LYPLAL1: variants seen among roughly 807,000 people sequenced by gnomAD.
LYPLAL1 encodes the protein lysophospholipase-like protein 1.
In LYPLAL1, 23 loss-of-function variants were observed where a neutral mutation model predicts 19.7. That is an observed-to-expected ratio of 1.17 (90% CI 0.84 to 1.65). The LOEUF is 1.65. LYPLAL1 is among the 40% of genes most tolerant of loss of function. The pLI is 0.00. For synonymous variants in LYPLAL1, 119 were observed against 96.3 expected, an observed-to-expected ratio of 1.24 and a Z score of -1.38; for missense variants, 355 against 279.4, an observed-to-expected ratio of 1.27 and a Z score of -1.93.
At chr1:219,275,638 C>T in the LYPLAL1 span, among the ~76,000 whole-genome samples, 1 of 151,872 alleles carries the variant, frequency 6.6e-6, no homozygotes, top group Non-Finnish European at 1.5e-5. Context: ...TAGAGTAGAA[C>T]AAGAATGTAC....
At chr1:219,392,634 G>C in the LYPLAL1 span, among the ~76,000 whole-genome samples, 1 of 151,982 alleles carries the variant, frequency 6.6e-6, no homozygotes, top group African/African-American at 2.4e-5. Flanking sequence ...CCAAAATAAG[G>C]CTTTATGATA....
At chr1:219,313,934 G>A in the LYPLAL1 span, among the ~76,000 whole-genome samples, 1 of 152,198 alleles carries the variant, frequency 6.6e-6, no homozygotes, top group Non-Finnish European at 1.5e-5. Context: ...CAAATAATAA[G>A]CATAGTACCT....
At chr1:219,292,621 A>T in the LYPLAL1 span, among the ~76,000 whole-genome samples, 2 of 152,104 alleles carry the variant, frequency 1.3e-5, no homozygotes, top group Non-Finnish European at 2.9e-5. Flanking sequence ...CACCTCATCT[A>T]GTCTTGTAGC....
At chr1:219,194,800 G>A (rs1657475303) in intron 3 of LYPLAL1, among the ~76,000 whole-genome samples, 1 of 152,040 alleles carries the variant, frequency 6.6e-6, no homozygotes, top group African/African-American at 2.4e-5. Flanking sequence ...GATGGCAGTG[G>A]CATTTAAGAT....
intron 2 of LYPLAL1, among the ~76,000 whole-genome samples, chr1:219,182,522 G>A (rs186184799): frequency 6.6e-6 from 1 of 152,148 alleles, no homozygotes; most frequent in Non-Finnish European, 1.5e-5. Context: ...GACGTCAAAA[G>A]GAGGCATGTG....
chr1:219,206,773 AG>A (rs1658604867), intron 3 of LYPLAL1, among the ~76,000 whole-genome samples: 1 of 151,460 alleles, frequency 6.6e-6, no homozygotes, highest in Admixed American at 6.6e-5. Context: ...AACTACATAA[AG>A]TGATTACATT....
the LYPLAL1 span, among the ~76,000 whole-genome samples, chr1:219,257,607 T>C: frequency 6.6e-5 from 10 of 152,088 alleles, no homozygotes; most frequent in African/African-American, 2.4e-4. Flanking sequence ...AGGGACTGTA[T>C]GAACTGGGAG....
chr1:219,416,634 G>A, the LYPLAL1 span, among the ~76,000 whole-genome samples: 1 of 152,208 alleles, frequency 6.6e-6, no homozygotes, highest in Non-Finnish European at 1.5e-5. Flanking sequence ...AATGCAAATT[G>A]AGGGGTGGGT....
the LYPLAL1 span, among the ~76,000 whole-genome samples, chr1:219,270,360 A>C: frequency 6.6e-6 from 1 of 152,218 alleles, no homozygotes; most frequent in Non-Finnish European, 1.5e-5. Context: ...TTTTGCAGTG[A>C]AATACAGAAG....
the LYPLAL1 span, among the ~76,000 whole-genome samples, chr1:219,318,096 A>C: frequency 1.3e-5 from 2 of 152,186 alleles, no homozygotes; most frequent in Non-Finnish European, 2.9e-5. Context: ...AAAAACTGCA[A>C]GTGGGAGATA....
chr1:219,291,832 C>G, the LYPLAL1 span, among the ~76,000 whole-genome samples: 3 of 151,744 alleles, frequency 2.0e-5, no homozygotes, highest in Non-Finnish European at 4.4e-5. Flanking sequence ...CAAAATGCTC[C>G]CATTGTCATC....
chr1:219,318,410 T>G, the LYPLAL1 span, among the ~76,000 whole-genome samples: 1 of 140,788 alleles, frequency 7.1e-6, no homozygotes, highest in African/African-American at 2.6e-5. Flanking sequence ...CACCAAACCA[T>G]GATCTCTTCT....
intron 2 of LYPLAL1, among the ~76,000 whole-genome samples, chr1:219,186,777 G>A (rs1351981327): frequency 3.3e-5 from 5 of 151,558 alleles, no homozygotes; most frequent in African/African-American, 1.2e-4. Context: ...TAGACAACAC[G>A]TAGTTGGGCT....
At chr1:219,228,260 T>C in the LYPLAL1 span, among the ~76,000 whole-genome samples, 1 of 151,710 alleles carries the variant, frequency 6.6e-6, no homozygotes, top group Admixed American at 6.6e-5. Flanking sequence ...AGTGGAATTA[T>C]CATGCTTTGC....
At chr1:219,387,758 T>G in the LYPLAL1 span, among the ~76,000 whole-genome samples, 1 of 152,220 alleles carries the variant, frequency 6.6e-6, no homozygotes, top group Non-Finnish European at 1.5e-5. Context: ...CTCTTCACTT[T>G]CATTTTAAAT....
At chr1:219,337,496 G>T in the LYPLAL1 span, among the ~76,000 whole-genome samples, 2 of 151,928 alleles carry the variant, frequency 1.3e-5, no homozygotes, top group Non-Finnish European at 2.9e-5. Flanking sequence ...ATTAAAGCAG[G>T]AGCACATGGG....
the LYPLAL1 span, among the ~76,000 whole-genome samples, chr1:219,286,937 G>A: frequency 6.6e-6 from 1 of 152,088 alleles, no homozygotes; most frequent in Non-Finnish European, 1.5e-5. Flanking sequence ...AATCTGCATG[G>A]AATTGAAGCT....
At chr1:219,405,506 C>T in the LYPLAL1 span, among the ~76,000 whole-genome samples, 34 of 152,256 alleles carry the variant, frequency 2.2e-4, no homozygotes, top group African/African-American at 6.5e-4. Flanking sequence ...GCATATTATA[C>T]ACACACACGT....
At chr1:219,352,374 C>T in the LYPLAL1 span, among the ~76,000 whole-genome samples, 3 of 152,118 alleles carry the variant, frequency 2.0e-5, no homozygotes, top group African/African-American at 7.2e-5. Context: ...AAAAATTAGC[C>T]GGGCGCGGTG....
Sources: allele counts gnomAD v4.1 joint callset (sites outside exome capture counted in the v4.1 genomes callset), GRCh38; gene constraint gnomAD v4.1.1; transcripts MANE v1.5; gene names NCBI Gene and HGNC (gene_info 2026-07-23, HGNC 2026-07-21).